Variants in ATG14 observed in about 807,000 individuals in gnomAD.
The protein encoded by ATG14 is autophagy related 14.
In ATG14, 35 loss-of-function variants were observed where a neutral mutation model predicts 60.4. That is an observed-to-expected ratio of 0.58 (90% CI 0.44 to 0.77). ATG14 has a LOEUF of 0.77. Among genes scored for constraint, ATG14 ranks in the 30% least tolerant of loss-of-function variants. The pLI is 0.00. For missense variants in ATG14, 647 were observed against 626.3 expected, an observed-to-expected ratio of 1.03 and a Z score of -0.35; for synonymous variants, 234 against 228.8, an observed-to-expected ratio of 1.02 and a Z score of -0.21.
At chr14:55,390,669 C>T (rs1254754277) in intron 4 of ATG14, among the ~76,000 whole-genome samples, 1 of 152,204 alleles carries the variant, frequency 6.6e-6, no homozygotes, top group Non-Finnish European at 1.5e-5. Context: ...CCACGCCTGG[C>T]GCCTAACTTT....
In ATG14 at chr14:55,369,073, C is replaced by T. The variant is rs1052900700; in HGVS notation, c.*546G>A. 6 of 152,488 alleles carry T rather than the reference C, an allele frequency of 3.9e-5. No individual in the cohort carries two copies. The highest frequency in any genetic ancestry group is 1.4e-4 in the African/African-American group (6 of 41,390). 9.4% of individuals were successfully genotyped at this position (152,488 alleles called of 1,614,324 possible). A position where few individuals can be genotyped will look rare whatever the true frequency, so the allele number is the denominator to read the frequency against. ...ATGAATAAAATACGTGTAACTCACC[C>T]CTCCCAAACAAAATCAAAGGACCAA... On this transcript the variant is annotated 3_prime_UTR_variant, in exon 10 of 10. Coordinates refer to ENST00000247178, the MANE Select transcript of ATG14 (RefSeq NM_014924.5).
At chr14:55,394,605 CAA>C (rs1954410927) in intron 3 of ATG14, among the ~76,000 whole-genome samples, 1 of 152,102 alleles carries the variant, frequency 6.6e-6, no homozygotes, top group South Asian at 2.1e-4. Flanking sequence ...AGCACTGTAT[CAA>C]AGTTATTAGG....
At chr14:55,389,691 G>A (rs1446477307) in intron 4 of ATG14, among the ~76,000 whole-genome samples, 1 of 152,190 alleles carries the variant, frequency 6.6e-6, no homozygotes, top group Non-Finnish European at 1.5e-5. Context: ...TGAGTCTGAA[G>A]TAAATCTGAT....
Position 55,381,842 on chromosome 14 carries a change from A to G in ATG14, c.877+120T>C, listed in dbSNP as rs373265085. 4.7e-5 allele frequency: 36 copies of G among 761,508 alleles called. No homozygotes were observed. In the African/African-American group the frequency reaches 5.8e-4, roughly 12 times the overall value. The allele number at this position is 761,508 out of a possible 1,614,324, so 47.2% of individuals were successfully genotyped here. ...AATGACATGGAGGTGATGGGAGCACAGTGCTGTGAATGTACTAAATGCCCC... is the reference window on the plus strand; with the variant it reads ...AATGACATGGAGGTGATGGGAGCACGGTGCTGTGAATGTACTAAATGCCCC... On this transcript the variant is annotated intron_variant, in intron 6 of 9. Coordinates refer to ENST00000247178, the MANE Select transcript of ATG14 (RefSeq NM_014924.5).
intron 9 of ATG14, 130 bp from the exon 10 acceptor site, chr14:55,370,055 A>C: frequency 1.3e-6 from 1 of 774,158 alleles, no homozygotes; most frequent in Non-Finnish European, 1.9e-6. Context: ...CCCCAAGTCT[A>C]TGCAGCACTC....
intron 3 of ATG14, chr14:55,395,124 A>G: frequency 2.1e-6 from 1 of 481,754 alleles, no homozygotes; most frequent in South Asian, 1.5e-5. Flanking sequence ...CTGCTTTCTC[A>G]GCTTCGTTTC....
chr14:55,409,796 G>T (rs1035685648), intron 1 of ATG14, among the ~76,000 whole-genome samples: 1 of 152,208 alleles, frequency 6.6e-6, no homozygotes, highest in Non-Finnish European at 1.5e-5. Context: ...TTTGGGTAAA[G>T]TGAAAAACCA....
rs1171800364 is a variant in ATG14, at chr14:55,367,955, G to A, written c.*1664C>T. ...AAGTATCAACTACAATTATTATGATGAGAAAAGAAGCTGGGGCATGGCAAA... is the reference window on the plus strand; with the variant it reads ...AAGTATCAACTACAATTATTATGATAAGAAAAGAAGCTGGGGCATGGCAAA... On this transcript the variant is annotated 3_prime_UTR_variant, in exon 10 of 10. Transcript: ENST00000247178. The A allele has an allele frequency of 2.0e-5, 3 of 152,522 alleles. No individual in the cohort carries two copies. The highest frequency in any genetic ancestry group is 4.4e-5 in the Non-Finnish European group (3 of 68,034). The allele number at this position is 152,522 out of a possible 1,614,324, so 9.4% of individuals were successfully genotyped here.
chr14:55,369,580 TTTC>T lies in ATG14; in HGVS notation c.*36_*38del. 2 of 1,456,148 alleles carry T rather than the reference TTTC, an allele frequency of 1.4e-6. No individual in the cohort carries two copies. The highest frequency in any genetic ancestry group is 1.8e-6 in the Non-Finnish European group (2 of 1,095,764). 90.2% of individuals were successfully genotyped at this position (1,456,148 alleles called of 1,614,324 possible). ...TACTAGAGTGTAGTGGGAGAAGAAC[TTTC>T]TTGATGCAGATTTGGTATGTTTTGG... On this transcript the variant is annotated 3_prime_UTR_variant, in exon 10 of 10. Coordinates refer to ENST00000247178, the MANE Select transcript of ATG14 (RefSeq NM_014924.5).
At position 55,385,866 on chromosome 14, in the gene ATG14, C is replaced by A; in HGVS notation, c.640G>T (p.Gly214Cys). The change falls in exon 5 of 10, where the codon GGT becomes TGT. Residue 214 changes from glycine (G) to cysteine (C), a missense_variant. Coordinates refer to ENST00000247178, the MANE Select transcript of ATG14 (RefSeq NM_014924.5). ...VIFPIEEVKT[G>C]VRDPADVSSE... ...AAGACTTGCTTAATGTACCTCACACCCGTCTTTACTTCCTCGATTGGAAAA... is the reference window on the plus strand; with the variant it reads ...AAGACTTGCTTAATGTACCTCACACACGTCTTTACTTCCTCGATTGGAAAA... 1 of 1,609,744 alleles carries A rather than the reference C, an allele frequency of 6.2e-7. No homozygotes were observed. The highest frequency in any genetic ancestry group is 8.5e-7 in the Non-Finnish European group (1 of 1,177,432).
At chr14:55,372,542 CTTCT>C (rs1272258738) in intron 9 of ATG14, among the ~76,000 whole-genome samples, 1 of 151,814 alleles carries the variant, frequency 6.6e-6, no homozygotes, top group African/African-American at 2.4e-5. Flanking sequence ...TCCTCCCTTC[CTTCT>C]TTCCCTTTCT....
At chr14:55,376,362 C>G (rs1362971410) in intron 9 of ATG14, among the ~76,000 whole-genome samples, 1 of 152,186 alleles carries the variant, frequency 6.6e-6, no homozygotes, top group East Asian at 1.9e-4. Context: ...TGAGTAAACT[C>G]ACAGAAACCA....
intron 1 of ATG14, among the ~76,000 whole-genome samples, chr14:55,405,982 G>A (rs924260994): frequency 5.3e-5 from 8 of 152,220 alleles, no homozygotes; most frequent in Admixed American, 5.2e-4. Flanking sequence ...AGGATGATGT[G>A]GGTGAGGATA....
intron 1 of ATG14, among the ~76,000 whole-genome samples, chr14:55,401,875 G>T (rs543554935): frequency 8.5e-5 from 13 of 152,110 alleles, no homozygotes; most frequent in Non-Finnish European, 1.6e-4. Context: ...GGGAAGGAAG[G>T]GTATGGAGGC....
intron 9 of ATG14, among the ~76,000 whole-genome samples, chr14:55,372,707 A>G (rs1022507477): frequency 2.7e-5 from 4 of 148,330 alleles, no homozygotes. Context: ...CCTTTTTACC[A>G]CAGCTCCTTC....
intron 1 of ATG14, among the ~76,000 whole-genome samples, chr14:55,406,301 G>A (rs1225535389): frequency 6.6e-6 from 1 of 152,152 alleles, no homozygotes; most frequent in East Asian, 1.9e-4. Flanking sequence ...AGGCACAGAC[G>A]GTTTGGCTAA....
Position 55,378,064 on chromosome 14 carries a change from C to T in ATG14, c.1006G>A (p.Gly336Ser), listed in dbSNP as rs1216101494. The part of the protein sequence containing the change: ...PKKLCNSEFC[G>S]ENLSKQKFTR... ...AATTTCTGCTTGCTTAGATTTTCGC[C>T]ACAAAATTCACTGTAAAACAAACAT... is the stretch of plus-strand genomic sequence containing the variant. Residue 336 changes from glycine (G) to serine (S), a missense_variant, in exon 8 of 10, where the codon GGC (glycine) becomes AGC (serine). Physicochemically the swap from Gly to Ser is moderately conservative, Grantham distance 56 (BLOSUM62 0). Coordinates refer to ENST00000247178, the MANE Select transcript of ATG14 (RefSeq NM_014924.5). The T allele has an allele frequency of 6.2e-7, 1 of 1,612,484 alleles. No homozygotes were observed. Among genetic ancestry groups the T allele is most frequent in the African/African-American group, 1.3e-5 (1 of 74,870 alleles).
intron 1 of ATG14, among the ~76,000 whole-genome samples, chr14:55,406,995 T>C (rs2140154362): frequency 6.6e-6 from 1 of 151,238 alleles, no homozygotes; most frequent in East Asian, 2.0e-4. Flanking sequence ...GGAGTCTAGC[T>C]CTGTTGCCCA....
At chr14:55,408,979 A>G (rs1885530747) in intron 1 of ATG14, among the ~76,000 whole-genome samples, 1 of 152,204 alleles carries the variant, frequency 6.6e-6, no homozygotes, top group African/African-American at 2.4e-5. Context: ...GAAAGGTTTA[A>G]GCAAAACAGT....
Sources: gnomAD v4.1 joint callset for allele counts (sites outside exome capture counted in the v4.1 genomes callset) on GRCh38, gnomAD v4.1.1 for gene constraint, MANE v1.5 for transcripts, NCBI Gene and HGNC (gene_info 2026-07-23, HGNC 2026-07-21) for gene names.